Variants in PUDP observed in about 807,000 individuals in gnomAD.
The protein encoded by PUDP is pseudouridine 5'-phosphatase, also known as pseudouridine-5'-phosphatase.
In PUDP, 8 loss-of-function variants were observed where a neutral mutation model predicts 9.4. The ratio of observed to expected loss-of-function variants is 0.85; its 90% CI spans 0.50 to 1.53. The LOEUF (loss-of-function observed/expected upper bound fraction) is 1.53, where lower values mean the gene tolerates loss of function less well. Among genes scored for constraint, PUDP ranks in the 40% most tolerant of loss-of-function variants. The pLI, the probability that PUDP is intolerant of heterozygous loss-of-function variation, is 0.00. For synonymous variants in PUDP, 99 were observed against 80.7 expected (o/e 1.23, Z -1.22); for missense variants, 188 against 189.7 (o/e 0.99, Z 0.05).
chrX:6,731,576 T>C (rs1393052686), intron 3 of PUDP, among the ~76,000 whole-genome samples: 5 of 111,879 alleles, frequency 4.5e-5, no homozygotes, highest in Non-Finnish European at 9.4e-5. Flanking sequence ...CCCTTTCAAA[T>C]AACAATGTCA....
intron 3 of PUDP, among the ~76,000 whole-genome samples, chrX:6,835,838 G>C (rs1305769960): frequency 9.1e-6 from 1 of 109,431 alleles, no homozygotes; most frequent in Non-Finnish European, 1.9e-5. Flanking sequence ...TCAGCCTCTC[G>C]AGTAGCTGGG....
At chrX:7,027,860 CTA>C (rs772763532) in intron 1 of PUDP, among the ~76,000 whole-genome samples, 8 of 83,880 alleles carry the variant, frequency 9.5e-5, no homozygotes, top group South Asian at 6.0e-4. Context: ...TATATATAGA[CTA>C]TATATATAGA....
At chrX:7,095,743 G>A (rs1361567335) in intron 2 of PUDP, among the ~76,000 whole-genome samples, 1 of 112,470 alleles carries the variant, frequency 8.9e-6, no homozygotes, top group African/African-American at 3.2e-5. Context: ...GAAAGTAATG[G>A]ATTATCAGAG....
chrX:7,050,195 A>C lies in PUDP; in HGVS notation c.*101T>G. ...TCCAATCTCAGGAGGCTAAAATCAC[A>C]GCGCAGGTTGGGATTGAAGAGTTGC... On this transcript the variant is annotated 3_prime_UTR_variant, in exon 4 of 4. Transcript: ENST00000381077. 1.3e-6 allele frequency: 1 copy of C among 773,338 alleles called. No homozygotes were observed. The highest frequency in any genetic ancestry group is 1.8e-6 in the Non-Finnish European group (1 of 547,327). The allele number at this position is 773,338 out of a possible 1,213,427, so 63.7% of individuals were successfully genotyped here. A position where few individuals can be genotyped will look rare whatever the true frequency, so the allele number is the denominator to read the frequency against.
chrX:7,093,835 G>A (rs753461439), intron 2 of PUDP, among the ~76,000 whole-genome samples: 28 of 112,070 alleles, frequency 2.5e-4, no homozygotes, highest in Non-Finnish European at 4.3e-4. Context: ...GCCAGGTGTG[G>A]TGGCCCATTC....
intron 1 of PUDP, among the ~76,000 whole-genome samples, chrX:7,114,332 C>T (rs771204777): frequency 1.2e-4 from 13 of 111,270 alleles, no homozygotes; most frequent in Middle Eastern, 4.7e-3. Context: ...CCACCTGCCT[C>T]GGCCTCCCAA....
At chrX:7,079,411 T>C (rs756977098) in intron 2 of PUDP, among the ~76,000 whole-genome samples, 1 of 112,297 alleles carries the variant, frequency 8.9e-6, no homozygotes, top group East Asian at 2.8e-4. Context: ...ATAAAACAAG[T>C]AGACAGAAAA....
At chrX:7,067,725 C>A (rs138187078) in intron 3 of PUDP, among the ~76,000 whole-genome samples, 1 of 111,206 alleles carries the variant, frequency 9.0e-6, no homozygotes, top group Non-Finnish European at 1.9e-5. Context: ...GGGAACACCA[C>A]GGGAAAAGAA....
intron 3 of PUDP, among the ~76,000 whole-genome samples, chrX:6,889,712 C>T (rs1389338265): frequency 1.8e-5 from 2 of 111,914 alleles, no homozygotes; most frequent in South Asian, 3.7e-4. Context: ...ATTACCACTT[C>T]CTTTACATAA....
chrX:6,715,075 G>T (rs141207901), intron 1 of PUDP, among the ~76,000 whole-genome samples: 1,601 of 109,581 alleles, frequency 0.015, 29 homozygotes, highest in African/African-American at 0.049. Flanking sequence ...CACATAAAAT[G>T]TAAAGGAACA....
intron 3 of PUDP, among the ~76,000 whole-genome samples, chrX:6,835,429 T>C (rs1926566963): frequency 9.0e-6 from 1 of 111,681 alleles, no homozygotes; most frequent in Non-Finnish European, 1.9e-5. Context: ...TCACTTTGCA[T>C]TGTTTTAAGC....
intron 3 of PUDP, among the ~76,000 whole-genome samples, chrX:6,734,207 CAG>C (rs1435164402): frequency 1.8e-5 from 2 of 111,413 alleles, no homozygotes; most frequent in African/African-American, 6.5e-5. Context: ...AGGGAAGAAA[CAG>C]GGAGGTGTTA....
intron 3 of PUDP, among the ~76,000 whole-genome samples, chrX:6,761,589 A>G (rs938579655): frequency 8.9e-6 from 1 of 112,141 alleles, no homozygotes; most frequent in Non-Finnish European, 1.9e-5. Flanking sequence ...CCCTTTGCAA[A>G]ATACACACTC....
chrX:6,736,166 G>A, intron 3 of PUDP, among the ~76,000 whole-genome samples: 1 of 111,389 alleles, frequency 9.0e-6, no homozygotes. Flanking sequence ...AAACTTTATT[G>A]AGCTTCTAGT....
chrX:7,040,211 G>T (rs1014114781), intron 1 of PUDP, among the ~76,000 whole-genome samples: 2 of 111,311 alleles, frequency 1.8e-5, no homozygotes, highest in Non-Finnish European at 3.8e-5. Context: ...TTATGAACTT[G>T]GGCCCCAATT....
At chrX:6,916,055 C>A (rs1420839712) in intron 3 of PUDP, among the ~76,000 whole-genome samples, 1 of 110,626 alleles carries the variant, frequency 9.0e-6, no homozygotes, top group Admixed American at 9.7e-5. Flanking sequence ...TGCTCTATTC[C>A]CAGTGTCTAT....
intron 3 of PUDP, among the ~76,000 whole-genome samples, chrX:6,975,905 A>G (rs1471353355): frequency 8.9e-6 from 1 of 112,199 alleles, no homozygotes; most frequent in Non-Finnish European, 1.9e-5. Flanking sequence ...CCCTGCCCAG[A>G]GAAGAGGAAT....
At chrX:7,092,602 G>C (rs1931454637) in intron 2 of PUDP, among the ~76,000 whole-genome samples, 1 of 111,956 alleles carries the variant, frequency 8.9e-6, no homozygotes, top group African/African-American at 3.3e-5. Context: ...AGAAAGGAGA[G>C]AGTAAGACTT....
intron 1 of PUDP, among the ~76,000 whole-genome samples, chrX:6,720,256 G>A (rs183676662): frequency 0.27 from 9,597 of 35,975 alleles, 881 homozygotes; most frequent in Non-Finnish European, 0.31. Flanking sequence ...GTGTGTGTGT[G>A]TGTATATATA....
Sources: allele counts gnomAD v4.1 joint callset (sites outside exome capture counted in the v4.1 genomes callset), GRCh38; gene constraint gnomAD v4.1.1; transcripts MANE v1.5; gene names NCBI Gene and HGNC (gene_info 2026-07-23, HGNC 2026-07-21).